NRXN1: variants seen among roughly 807,000 people sequenced by gnomAD.
NRXN1 encodes the protein neurexin-1.
Under a neutral mutation model 150.9 loss-of-function variants are expected in NRXN1, and 39 were observed. The observed-to-expected ratio is 0.26, with a 90% confidence interval of 0.20 to 0.34. NRXN1 has a LOEUF of 0.34. Among genes scored for constraint, NRXN1 ranks in the 10% least tolerant of loss-of-function variants. NRXN1 has a pLI of 1.00. For synonymous variants in NRXN1, 924 were observed against 757.0 expected (o/e 1.22, Z -3.62); for missense variants, 1,815 against 1,949.9 (o/e 0.93, Z 1.30).
chr2:50,897,200 AATAAGT>A (rs1682110497), intron 5 of NRXN1, among the ~76,000 whole-genome samples: 1 of 152,202 alleles, frequency 6.6e-6, no homozygotes, highest in Non-Finnish European at 1.5e-5. Flanking sequence ...TCACCTAACA[AATAAGT>A]ATAATTGCAG....
chr2:50,353,714 G>A (rs12475081), intron 17 of NRXN1, among the ~76,000 whole-genome samples: 2 of 152,002 alleles, frequency 1.3e-5, no homozygotes, highest in Admixed American at 1.3e-4. Flanking sequence ...AAGATAATGA[G>A]CTGCGATGTG....
chr2:50,194,905 T>C (rs1205385904), intron 18 of NRXN1, among the ~76,000 whole-genome samples: 2 of 152,170 alleles, frequency 1.3e-5, no homozygotes, highest in South Asian at 2.1e-4. Context: ...AGTATTTTTA[T>C]ACTTCCTAAA....
At chr2:50,355,490 C>T (rs1004949403) in intron 17 of NRXN1, among the ~76,000 whole-genome samples, 6 of 152,086 alleles carry the variant, frequency 3.9e-5, no homozygotes, top group Non-Finnish European at 8.8e-5. Context: ...TGCCACTTTC[C>T]CCACAAACAC....
At chr2:50,483,409 T>C (rs79442740) in intron 15 of NRXN1, among the ~76,000 whole-genome samples, 3,008 of 152,278 alleles carry the variant, frequency 0.02, 107 homozygotes, top group African/African-American at 0.069. Flanking sequence ...CATTTGTTTG[T>C]TTCTTTACTT....
intron 5 of NRXN1, among the ~76,000 whole-genome samples, chr2:50,746,968 C>A (rs1700097610): frequency 6.6e-6 from 1 of 152,074 alleles, no homozygotes; most frequent in East Asian, 1.9e-4. Context: ...TTCAATGTGT[C>A]TGAAGACTGC....
intron 2 of NRXN1, among the ~76,000 whole-genome samples, chr2:50,931,929 T>A (rs538066019): frequency 6.6e-6 from 1 of 151,968 alleles, no homozygotes; most frequent in African/African-American, 2.4e-5. Flanking sequence ...TGTCACCGTG[T>A]TGGCTCACTG....
chr2:50,911,176 C>T (rs1309421336), intron 5 of NRXN1, among the ~76,000 whole-genome samples: 1 of 152,090 alleles, frequency 6.6e-6, no homozygotes, highest in African/African-American at 2.4e-5. Context: ...TAGAGCTTCC[C>T]TAGACCCTAA....
chr2:50,041,341 T>C (rs972876952), intron 21 of NRXN1, among the ~76,000 whole-genome samples: 2 of 152,214 alleles, frequency 1.3e-5, no homozygotes, highest in African/African-American at 4.8e-5. Flanking sequence ...GCAATGAGTG[T>C]CTTTTAAAAA....
chr2:50,736,199 G>C (rs1447084109), intron 5 of NRXN1, among the ~76,000 whole-genome samples: 1 of 152,086 alleles, frequency 6.6e-6, no homozygotes. Flanking sequence ...AACATGCTGT[G>C]TTTCCTCTAC....
At chr2:50,907,750 G>GGAA (rs1386704289) in intron 5 of NRXN1, among the ~76,000 whole-genome samples, 1 of 152,018 alleles carries the variant, frequency 6.6e-6, no homozygotes, top group Non-Finnish European at 1.5e-5. Flanking sequence ...AGATAGAAAA[G>GGAA]GAAGAAAGCA....
Position 50,347,129 on chromosome 2 carries a change from T to A in NRXN1, c.3365-110159A>T. The A allele has an allele frequency of 1.4e-6, 2 of 1,383,964 alleles. No individual in the cohort carries two copies. The highest frequency in any genetic ancestry group is 1.2e-5 in the South Asian group (1 of 81,826). The allele number at this position is 1,383,964 out of a possible 1,614,324, so 85.7% of individuals were successfully genotyped here. On this transcript the variant is annotated intron_variant, in intron 17 of 22. Coordinates refer to ENST00000401669, the MANE Select transcript of NRXN1 (RefSeq NM_001330078.2). This position sits in a 1 kb window ranked among gnomAD's most constrained non-coding sequence, Gnocchi z 4.9. ...CTTCTCGGGGTCCTGGAGTCCGCCG[T>A]GCCTAGCACCCCAAACAATCCGAAA... is the stretch of plus-strand genomic sequence containing the variant.
At chr2:50,615,152 G>T (rs1023076010) in intron 8 of NRXN1, among the ~76,000 whole-genome samples, 12 of 152,138 alleles carry the variant, frequency 7.9e-5, no homozygotes, top group Non-Finnish European at 1.6e-4. Context: ...GATCTAATTA[G>T]GTTGATGAAA....
intron 5 of NRXN1, among the ~76,000 whole-genome samples, chr2:50,790,777 T>C (rs1179431546): frequency 6.6e-6 from 1 of 152,146 alleles, no homozygotes; most frequent in Admixed American, 6.6e-5. Flanking sequence ...GCAGAAAAGA[T>C]ATATCACAAA....
intron 17 of NRXN1, among the ~76,000 whole-genome samples, chr2:50,246,073 T>C (rs893660296): frequency 1.3e-5 from 2 of 152,032 alleles, no homozygotes; most frequent in Admixed American, 6.6e-5. Flanking sequence ...GTTTCTATAA[T>C]GACACTTAAC....
chr2:50,624,475 A>G (rs1680631160), intron 5 of NRXN1, among the ~76,000 whole-genome samples: 1 of 152,102 alleles, frequency 6.6e-6, no homozygotes, highest in Non-Finnish European at 1.5e-5. Flanking sequence ...TGAAACATTT[A>G]TGTTCAAAGA....
intron 21 of NRXN1, among the ~76,000 whole-genome samples, chr2:49,988,874 C>T (rs1389120013): frequency 6.6e-6 from 1 of 152,112 alleles, no homozygotes; most frequent in Admixed American, 6.6e-5. Context: ...TATAACTAAA[C>T]TTATAACAAG....
chr2:50,848,456 C>T (rs1362213805), intron 5 of NRXN1, among the ~76,000 whole-genome samples: 2 of 151,958 alleles, frequency 1.3e-5, no homozygotes, highest in African/African-American at 2.4e-5. Context: ...GCGGAGCTGC[C>T]CCCTACAGCT....
intron 18 of NRXN1, among the ~76,000 whole-genome samples, chr2:50,206,250 C>T (rs2062565484): frequency 6.6e-6 from 1 of 151,280 alleles, no homozygotes; most frequent in Non-Finnish European, 1.5e-5. Flanking sequence ...CACACACACA[C>T]ACACACACAC....
chr2:49,955,629 T>C (rs1433656021), intron 21 of NRXN1, among the ~76,000 whole-genome samples: 9 of 151,872 alleles, frequency 5.9e-5, no homozygotes, highest in Non-Finnish European at 1.2e-4. Context: ...TTTACCTACA[T>C]AATATTCCTC....
Sources: gnomAD v4.1 joint callset for allele counts (sites outside exome capture counted in the v4.1 genomes callset) on GRCh38, gnomAD v4.1.1 for gene constraint, Gnocchi (gnomAD v3.1) non-coding constraint, MANE v1.5 for transcripts, NCBI Gene and HGNC (gene_info 2026-07-23, HGNC 2026-07-21) for gene names.